The following PCDHGA5 variants were observed in gnomAD, a reference collection of about 807,000 sequenced individuals.
PCDHGA5 encodes the protein protocadherin gamma-A5.
PCDHGA5 carries 36 observed loss-of-function variants against 56.7 expected under a neutral mutation model. That is an observed-to-expected ratio of 0.64 (90% CI 0.49 to 0.84). The LOEUF (loss-of-function observed/expected upper bound fraction) is 0.84. Ranked by LOEUF, PCDHGA5 falls within the 40% of genes least tolerant of loss-of-function variation. PCDHGA5 has a pLI of 0.00. For missense variants in PCDHGA5, 1,305 were observed against 1,201.5 expected (o/e 1.09, Z -1.27); for synonymous variants, 563 against 520.2 (o/e 1.08, Z -1.12).
chr5:141,418,125 G>C, intron 1 of PCDHGA5: 1 of 1,614,086 alleles, frequency 6.2e-7, no homozygotes. Flanking sequence ...GTGAAGGACC[G>C]AATAGACCGT....
At chr5:141,368,303 C>G (rs981191656) in intron 1 of PCDHGA5, among the ~76,000 whole-genome samples, 4 of 152,066 alleles carry the variant, frequency 2.6e-5, no homozygotes, top group African/African-American at 9.7e-5. Context: ...TTTTTAAACA[C>G]TGTTAAAGAG....
chr5:141,368,946 T>C (rs1330631003), intron 1 of PCDHGA5, among the ~76,000 whole-genome samples: 1 of 152,202 alleles, frequency 6.6e-6, no homozygotes, highest in Non-Finnish European at 1.5e-5. Context: ...CTGGTTACTG[T>C]GAGTAGTTTA....
At chr5:141,503,517 T>C (rs6878542) in intron 2 of PCDHGA5, among the ~76,000 whole-genome samples, 77,350 of 150,132 alleles carry the variant, frequency 0.52, 20,504 homozygotes, top group African/African-American at 0.63. Flanking sequence ...GAGAATCACT[T>C]GAACCTGGGA....
At chr5:141,379,717 G>A (rs1775773176) in intron 1 of PCDHGA5, 1 of 152,104 alleles carries the variant, frequency 6.6e-6, no homozygotes, top group Non-Finnish European at 1.5e-5. Context: ...GGCAGTCATG[G>A]AATTTGCTAA....
chr5:141,405,546 A>G (rs2094684316), intron 1 of PCDHGA5: 1 of 630,658 alleles, frequency 1.6e-6, no homozygotes, highest in Admixed American at 2.9e-5. Context: ...CAGCCTCCCA[A>G]GTAGAGTAGC....
Position 141,487,243 on chromosome 5 carries a change from C to T in PCDHGA5, c.2422-7564C>T. 1 of 1,614,114 alleles carries T rather than the reference C, an allele frequency of 6.2e-7. No individual in the cohort carries two copies. The highest frequency in any genetic ancestry group is 8.5e-7 in the Non-Finnish European group (1 of 1,180,000). Reference sequence around the variant, plus strand: ...CAAGGGAAGGAGAATCTCGTCTAACCCTCTACTTGGCTGTGTCCCTAGTGG... The same window carrying T: ...CAAGGGAAGGAGAATCTCGTCTAACTCTCTACTTGGCTGTGTCCCTAGTGG... On this transcript the variant is annotated intron_variant, in intron 1 of 3. Coordinates refer to ENST00000518069, the MANE Select transcript of PCDHGA5 (RefSeq NM_018918.3). The surrounding 1 kb of genome is among the most constrained non-coding windows in gnomAD (Gnocchi z 5.0).
At position 141,364,496 on chromosome 5, in the gene PCDHGA5, C is replaced by A; in HGVS notation, c.166C>A (p.Pro56Thr). Residue 56 changes from proline (P) to threonine (T), a missense_variant, in exon 1 of 4, where the codon CCC (proline) becomes ACC (threonine). Transcript: ENST00000518069. ...CATAGCCAAGGACCTTGGGCTGGAGCCCCAGGAGCTGGCGGAGCGCGGAGT... is the reference window on the plus strand; with the variant it reads ...CATAGCCAAGGACCTTGGGCTGGAGACCCAGGAGCTGGCGGAGCGCGGAGT... ...GNIAKDLGLE[P>T]QELAERGVRI... 3 of 1,613,998 alleles carry A rather than the reference C, an allele frequency of 1.9e-6. No homozygotes were observed. The highest frequency in any genetic ancestry group is 2.2e-5 in the South Asian group (2 of 91,080).
chr5:141,494,607 C>T (rs2099755630), intron 1 of PCDHGA5, among the ~76,000 whole-genome samples, 200 bp from the exon 2 acceptor site: 2 of 152,092 alleles, frequency 1.3e-5, no homozygotes, highest in South Asian at 2.1e-4. Flanking sequence ...TGTGATTTAT[C>T]TCTTGGTTTC....
At chr5:141,507,931 G>A (rs1442781255) in intron 3 of PCDHGA5, 1 of 152,326 alleles carries the variant, frequency 6.6e-6, no homozygotes, top group African/African-American at 2.4e-5. Context: ...CTGCTGAGAG[G>A]GGTTAAGTAA....
chr5:141,389,346 T>G (rs779015878), intron 1 of PCDHGA5: 1 of 1,613,984 alleles, frequency 6.2e-7, no homozygotes. Flanking sequence ...AGTCTCTTAC[T>G]GCATCATGGC....
intron 1 of PCDHGA5, chr5:141,428,402 G>T (rs899477196): frequency 1.7e-5 from 8 of 479,776 alleles, no homozygotes; most frequent in African/African-American, 1.4e-4. Flanking sequence ...TCTGCCTGGG[G>T]TTGCTTTCAC....
At chr5:141,453,087 T>G (rs2098755775) in intron 1 of PCDHGA5, among the ~76,000 whole-genome samples, 1 of 152,150 alleles carries the variant, frequency 6.6e-6, no homozygotes, top group Non-Finnish European at 1.5e-5. Context: ...TTGATTAGTA[T>G]ATTTTCTGTT....
intron 1 of PCDHGA5, among the ~76,000 whole-genome samples, chr5:141,442,879 A>T (rs1399128822): frequency 6.6e-6 from 1 of 152,256 alleles, no homozygotes; most frequent in Non-Finnish European, 1.5e-5. Flanking sequence ...TTTACAACTC[A>T]GAATCCCTGC....
chr5:141,474,208 A>C (rs1243312558), intron 1 of PCDHGA5, among the ~76,000 whole-genome samples: 1 of 152,242 alleles, frequency 6.6e-6, no homozygotes, highest in Non-Finnish European at 1.5e-5. Context: ...TGATTTTCAA[A>C]AACCAGATTG....
chr5:141,469,704 C>T (rs1038504640), intron 1 of PCDHGA5, among the ~76,000 whole-genome samples: 9 of 152,340 alleles, frequency 5.9e-5, no homozygotes, highest in African/African-American at 1.9e-4. Flanking sequence ...ACCTAGTAAT[C>T]ACACTATTAG....
intron 1 of PCDHGA5, chr5:141,394,165 C>G (rs1228690548): frequency 6.2e-7 from 1 of 1,613,930 alleles, no homozygotes; most frequent in African/African-American, 1.3e-5. Flanking sequence ...AACCCTCCTA[C>G]TTTCCCTCAT....
chr5:141,405,231 C>A, intron 1 of PCDHGA5: 1 of 1,614,130 alleles, frequency 6.2e-7, no homozygotes, highest in Non-Finnish European at 8.5e-7. Flanking sequence ...TTCTCCCTCA[C>A]CGCTGACTCA....
At position 141,477,761 on chromosome 5, in the gene PCDHGA5, AC is replaced by A. The variant is rs754006143; in HGVS notation, c.2422-17044del. ...CGATGGGGGCACCCCGGTCCTAGCC[AC>A]CAACATCAGCGTGAACATATTTGTC... On this transcript the variant is annotated intron_variant, in intron 1 of 3. Coordinates refer to ENST00000518069, the MANE Select transcript of PCDHGA5 (RefSeq NM_018918.3). This position sits in a 1 kb window ranked among gnomAD's most constrained non-coding sequence, Gnocchi z 4.9. 5 of 1,613,854 alleles carry A rather than the reference AC, an allele frequency of 3.1e-6. No homozygotes were observed. Among genetic ancestry groups the A allele is most frequent in the Non-Finnish European group, 4.2e-6 (5 of 1,180,044 alleles).
chr5:141,429,390 A>T (rs556289214), intron 1 of PCDHGA5, among the ~76,000 whole-genome samples: 3,394 of 150,296 alleles, frequency 0.023, 54 homozygotes, highest in South Asian at 0.043. Context: ...TTTTTTTTAA[A>T]AAAAATTGAG....
Sources: gnomAD v4.1 joint callset for allele counts (sites outside exome capture counted in the v4.1 genomes callset) on GRCh38, gnomAD v4.1.1 for gene constraint, Gnocchi (gnomAD v3.1) non-coding constraint, MANE v1.5 for transcripts, NCBI Gene and HGNC (gene_info 2026-07-23, HGNC 2026-07-21) for gene names.